PRKCI: variants seen among roughly 807,000 people sequenced by gnomAD.
PRKCI encodes protein kinase C iota type.
PRKCI carries 43 observed loss-of-function variants against 84.0 expected under a neutral mutation model. That is an observed-to-expected ratio of 0.51 (90% CI 0.40 to 0.66). The LOEUF (loss-of-function observed/expected upper bound fraction) is 0.66, where lower values mean the gene tolerates loss of function less well. PRKCI is among the 30% of genes least tolerant of loss of function. The probability of loss-of-function intolerance (pLI) is 0.00; values close to 1 mark genes in which losing one functional copy is unlikely to be tolerated. For missense variants in PRKCI, 459 were observed against 745.6 expected (o/e 0.62, Z 4.48); for synonymous variants, 216 against 234.4 (o/e 0.92, Z 0.72).
rs1734867826 is a variant in PRKCI, at chr3:170,303,282, TCTGTTTTA to T, written c.*158_*165del. 4.7e-6 allele frequency: 2 copies of T among 429,140 alleles called. No homozygotes were observed. The highest frequency in any genetic ancestry group is 8.1e-6 in the Non-Finnish European group (2 of 246,858). The allele number at this position is 429,140 out of a possible 1,614,324, so 26.6% of individuals were successfully genotyped here. A position where few individuals can be genotyped will look rare whatever the true frequency, so the allele number is the denominator to read the frequency against. ...TAGACTATATGAATCAATTATTACA[TCTGTTTTA>T]CTATGAAAAAAAAATTAATACTACT... On this transcript the variant is annotated 3_prime_UTR_variant, in exon 18 of 18. Transcript: ENST00000295797.
At chr3:170,287,324 AAT>A (rs67743862) in intron 12 of PRKCI, among the ~76,000 whole-genome samples, 22 of 149,944 alleles carry the variant, frequency 1.5e-4, no homozygotes, top group East Asian at 7.8e-4. Context: ...TCCTATCTAA[AAT>A]ATATATATAT....
At chr3:170,255,024 T>C (rs965250004) in intron 2 of PRKCI, among the ~76,000 whole-genome samples, 5 of 151,274 alleles carry the variant, frequency 3.3e-5, no homozygotes, top group Non-Finnish European at 7.4e-5. Context: ...CAGTATTTTA[T>C]GATTTTCATT....
intron 2 of PRKCI, among the ~76,000 whole-genome samples, chr3:170,248,705 T>G (rs968315653): frequency 6.6e-6 from 1 of 152,196 alleles, no homozygotes; most frequent in African/African-American, 2.4e-5. Context: ...TTATGGTTAT[T>G]CAGAAGTGTT....
At chr3:170,246,569 A>G (rs1473254852) in intron 2 of PRKCI, among the ~76,000 whole-genome samples, 1 of 152,228 alleles carries the variant, frequency 6.6e-6, no homozygotes, top group Non-Finnish European at 1.5e-5. Flanking sequence ...TGTTAGGATT[A>G]CAGGCATGAG....
At chr3:170,257,608 C>G (rs1456308093) in intron 2 of PRKCI, among the ~76,000 whole-genome samples, 1 of 151,516 alleles carries the variant, frequency 6.6e-6, no homozygotes, top group African/African-American at 2.4e-5. Flanking sequence ...TAGTTTTACT[C>G]TTGAGATTTG....
At chr3:170,280,077 G>T in intron 8 of PRKCI, 150 bp from the exon 9 acceptor site, 1 of 678,438 alleles carries the variant, frequency 1.5e-6, no homozygotes, top group Non-Finnish European at 2.2e-6. Context: ...TATTTGGTTT[G>T]GAATGACATT....
In PRKCI at chr3:170,256,832, G is replaced by C. The variant is rs145880512; in HGVS notation, c.224-3137G>C. Among the ~76,000 whole-genome samples the C allele has an allele frequency of 1.1e-4, 17 of 151,844 alleles. No individual in the cohort carries two copies. In the East Asian group the frequency reaches 3.3e-3, roughly 29 times the overall value. On this transcript the variant is annotated intron_variant, in intron 2 of 17. Transcript: ENST00000295797. ...TGCTATAAACTCACCTCTTAGTACT[G>C]CTTTCACTGTATCCCATTGGTTTTG...
chr3:170,263,480 A>G (rs746934219), intron 4 of PRKCI, 51 bp downstream of exon 4: 10 of 1,453,692 alleles, frequency 6.9e-6, no homozygotes, highest in Non-Finnish European at 9.6e-6. Context: ...ATGCTATGGT[A>G]CAAGTGAAAA....
intron 1 of PRKCI, among the ~76,000 whole-genome samples, chr3:170,228,640 CAT>C (rs766505873): frequency 6.1e-5 from 9 of 147,792 alleles, no homozygotes; most frequent in Middle Eastern, 3.4e-3. Flanking sequence ...CACACACACA[CAT>C]ATACATACAC....
At chr3:170,250,272 GA>G (rs35474071) in intron 2 of PRKCI, among the ~76,000 whole-genome samples, 220 of 104,470 alleles carry the variant, frequency 2.1e-3, no homozygotes, top group East Asian at 7.2e-3. Flanking sequence ...GACTTGGTCT[GA>G]AAAAAAAAAA....
chr3:170,263,245 A>G, intron 3 of PRKCI, 134 bp from the exon 4 acceptor site: 1 of 631,264 alleles, frequency 1.6e-6, no homozygotes. Context: ...ATCACATGCT[A>G]AGTATCTTGT....
chr3:170,268,174 C>G (rs946858961), intron 5 of PRKCI, among the ~76,000 whole-genome samples, 174 bp downstream of exon 5: 4 of 152,170 alleles, frequency 2.6e-5, no homozygotes, highest in African/African-American at 9.7e-5. Flanking sequence ...TTAATAGCAT[C>G]TCTTTCACTC....
At chr3:170,291,726 C>G in intron 12 of PRKCI, 128 bp from the exon 13 acceptor site, 2 of 685,584 alleles carry the variant, frequency 2.9e-6, no homozygotes, top group South Asian at 1.7e-5. Flanking sequence ...GGCAATTGTT[C>G]TAGTGATGTT....
intron 1 of PRKCI, among the ~76,000 whole-genome samples, chr3:170,233,224 G>T (rs1577339950): frequency 6.6e-6 from 1 of 150,744 alleles, no homozygotes; most frequent in South Asian, 2.1e-4. Flanking sequence ...GATTCTTTTG[G>T]GGGTTTATTT....
At position 170,233,592 on chromosome 3, in the gene PRKCI, A is replaced by G. The variant is rs1732859688; in HGVS notation, c.102-1638A>G. Reference sequence around the variant, plus strand: ...GGTGATTGTGGAATGTTATGAACATAGTGGTTTCGCAATTACTGAGAGCTA... The same window carrying G: ...GGTGATTGTGGAATGTTATGAACATGGTGGTTTCGCAATTACTGAGAGCTA... On this transcript the variant is annotated intron_variant, in intron 1 of 17. Transcript: ENST00000295797. Among the ~76,000 whole-genome samples, 3 of 152,322 alleles carry G rather than the reference A, an allele frequency of 2.0e-5. No individual in the cohort carries two copies. In the South Asian group the frequency reaches 6.2e-4, roughly 32 times the overall value.
intron 2 of PRKCI, among the ~76,000 whole-genome samples, chr3:170,246,906 T>G (rs1413155631): frequency 6.6e-6 from 1 of 152,184 alleles, no homozygotes; most frequent in Non-Finnish European, 1.5e-5. Flanking sequence ...TTTGTTTTTG[T>G]GTTTTTGAAA....
At chr3:170,245,372 G>T (rs1313543533) in intron 2 of PRKCI, among the ~76,000 whole-genome samples, 1 of 152,284 alleles carries the variant, frequency 6.6e-6, no homozygotes, top group African/African-American at 2.4e-5. Flanking sequence ...TAATTAAATT[G>T]TAGGACGCTC....
rs1429089403 is a variant in PRKCI, at chr3:170,293,441, G to A, written c.1350G>A (p.Arg450=). ...TCATGTTTGAGATGATGGCAGGAAG[G>A]TCTCCATTTGATATTGTTGGGAGCT... ...GVLMFEMMAG[R]SPFDIVGSSD... The change falls in exon 14 of 18, where the codon AGG becomes AGA. Residue 450 remains arginine (R), a synonymous_variant. Transcript: ENST00000295797. 2 of 1,613,492 alleles carry A rather than the reference G, an allele frequency of 1.2e-6. No homozygotes were observed. Among genetic ancestry groups the A allele is most frequent in the South Asian group, 1.1e-5 (1 of 91,066 alleles).
Position 170,304,779 on chromosome 3 carries a change from A to G in PRKCI, c.*1652A>G, listed in dbSNP as rs1264238694. On this transcript the variant is annotated 3_prime_UTR_variant, in exon 18 of 18. Transcript: ENST00000295797. ...TATATTTTTAATGAAAAGGGACTTA[A>G]AAAGTAAACATGATTATCTAAATTA... 1 of 151,870 alleles carries G rather than the reference A, an allele frequency of 6.6e-6. No homozygotes were observed. The highest frequency in any genetic ancestry group is 1.5e-5 in the Non-Finnish European group (1 of 68,010). 9.4% of individuals were successfully genotyped at this position (151,870 alleles called of 1,614,324 possible). A position where few individuals can be genotyped will look rare whatever the true frequency, so the allele number is the denominator to read the frequency against.
Sources: allele counts gnomAD v4.1 joint callset (sites outside exome capture counted in the v4.1 genomes callset), GRCh38; gene constraint gnomAD v4.1.1; transcripts MANE v1.5; gene names NCBI Gene and HGNC (gene_info 2026-07-23, HGNC 2026-07-21).